DPYD: variants seen among roughly 807,000 people sequenced by gnomAD.
DPYD encodes dihydropyrimidine dehydrogenase [NADP(+)].
A neutral mutation model predicts 116.2 loss-of-function variants in DPYD; 109 were observed. The ratio of observed to expected loss-of-function variants is 0.94; its 90% CI spans 0.80 to 1.10. The LOEUF (loss-of-function observed/expected upper bound fraction) is 1.10. Ranked by LOEUF, DPYD falls within the 50% of genes least tolerant of loss-of-function variation. DPYD has a pLI of 0.00. For missense variants in DPYD, 1,302 were observed against 1,254.5 expected, an observed-to-expected ratio of 1.04 and a Z score of -0.57; for synonymous variants, 440 against 432.0, an observed-to-expected ratio of 1.02 and a Z score of -0.23.
chr1:97,193,375 G>C, intron 19 of DPYD, 127 bp from the exon 20 acceptor site: 1 of 958,354 alleles, frequency 1.0e-6, no homozygotes, highest in South Asian at 1.4e-5. Flanking sequence ...TGATGGATCA[G>C]TAGCCGTCTG....
At chr1:97,157,743 A>G (rs1655578339) in intron 20 of DPYD, among the ~76,000 whole-genome samples, 2 of 152,098 alleles carry the variant, frequency 1.3e-5, no homozygotes, top group African/African-American at 4.8e-5. Context: ...ACAACTCTTG[A>G]TGGATATATT....
At chr1:97,236,706 C>T (rs1289458277) in intron 18 of DPYD, among the ~76,000 whole-genome samples, 1 of 152,116 alleles carries the variant, frequency 6.6e-6, no homozygotes, top group Non-Finnish European at 1.5e-5. Flanking sequence ...TCATAGAATG[C>T]CCAACACCAA....
At chr1:97,395,235 G>T (rs1463996096) in intron 14 of DPYD, among the ~76,000 whole-genome samples, 1 of 151,004 alleles carries the variant, frequency 6.6e-6, no homozygotes, top group Non-Finnish European at 1.5e-5. Flanking sequence ...GACAGAATAA[G>T]GACACATAGA....
In DPYD at chr1:97,646,426, T is replaced by G. The variant is rs1042343349; in HGVS notation, c.850+32669A>C. Among the ~76,000 whole-genome samples the G allele has an allele frequency of 5.9e-5, 9 of 152,190 alleles. No homozygotes were observed. The South Asian group carries it at 1.9e-3, about 32-fold the overall frequency. ...CATTGTGTCTTTATTTTAGTGATTA[T>G]GTTGTTTGAACGCACATCTTCTTTT... On this transcript the variant is annotated intron_variant, in intron 8 of 22. Coordinates refer to ENST00000370192, the MANE Select transcript of DPYD (RefSeq NM_000110.4).
intron 2 of DPYD, among the ~76,000 whole-genome samples, chr1:97,882,745 C>T (rs1392881636): frequency 6.6e-6 from 1 of 151,858 alleles, no homozygotes; most frequent in African/African-American, 2.4e-5. Context: ...GCTCCTACAC[C>T]TCACCTGGAA....
intron 13 of DPYD, among the ~76,000 whole-genome samples, chr1:97,497,747 T>C (rs1296719281): frequency 1.3e-5 from 2 of 151,702 alleles, no homozygotes; most frequent in African/African-American, 4.8e-5. Context: ...TAAATTGGGG[T>C]AGCTGCTTTG....
intron 2 of DPYD, among the ~76,000 whole-genome samples, chr1:97,849,823 T>C (rs1437576543): frequency 6.6e-6 from 1 of 152,222 alleles, no homozygotes; most frequent in African/African-American, 2.4e-5. Context: ...GAAACAATAC[T>C]GGCCAATATT....
intron 19 of DPYD, among the ~76,000 whole-genome samples, chr1:97,226,479 C>T (rs964201049): frequency 6.6e-6 from 1 of 152,146 alleles, no homozygotes; most frequent in East Asian, 1.9e-4. Context: ...GTAGGAAACT[C>T]GGAAGCCTCC....
At chr1:97,270,480 C>G (rs1293413096) in intron 18 of DPYD, among the ~76,000 whole-genome samples, 2 of 152,174 alleles carry the variant, frequency 1.3e-5, no homozygotes, top group African/African-American at 4.8e-5. Flanking sequence ...ACAACATTTA[C>G]ACCATTCCCC....
intron 12 of DPYD, among the ~76,000 whole-genome samples, chr1:97,517,941 G>T (rs1003627432): frequency 1.3e-5 from 2 of 151,968 alleles, no homozygotes; most frequent in African/African-American, 4.8e-5. Context: ...ATGAATTTTG[G>T]TTTGTTCATA....
At chr1:97,308,832 A>T (rs577222187) in intron 16 of DPYD, among the ~76,000 whole-genome samples, 3 of 151,966 alleles carry the variant, frequency 2.0e-5, no homozygotes, top group Admixed American at 1.3e-4. Flanking sequence ...AATCTTCAGG[A>T]TCTGAAATAT....
intron 12 of DPYD, among the ~76,000 whole-genome samples, chr1:97,531,374 C>T (rs1393247457): frequency 1.3e-5 from 2 of 152,114 alleles, no homozygotes; most frequent in Non-Finnish European, 2.9e-5. Flanking sequence ...ATTGAAGAGA[C>T]AATCCTTTCC....
chr1:97,702,740 T>C (rs887543014), intron 5 of DPYD, among the ~76,000 whole-genome samples: 6 of 151,924 alleles, frequency 3.9e-5, no homozygotes. Flanking sequence ...TTCTAGCTAA[T>C]GGCATGCAAA....
At chr1:97,585,412 ACTAAGATATTAAGTACACCT>A (rs1211877240) in intron 10 of DPYD, among the ~76,000 whole-genome samples, 5 of 152,190 alleles carry the variant, frequency 3.3e-5, no homozygotes, top group African/African-American at 1.2e-4. Context: ...CTCCCCTGGT[ACTAAGATATTAAGTACACCT>A]CTAAGACTTT....
At chr1:97,306,122 A>G in intron 17 of DPYD, 55 bp downstream of exon 17, 1 of 1,610,466 alleles carries the variant, frequency 6.2e-7, no homozygotes, top group Non-Finnish European at 8.5e-7. Context: ...GTATGGCTAC[A>G]TAATGTGGGC....
At chr1:97,770,029 T>C (rs1412563028) in intron 3 of DPYD, among the ~76,000 whole-genome samples, 1 of 152,194 alleles carries the variant, frequency 6.6e-6, no homozygotes, top group Non-Finnish European at 1.5e-5. Flanking sequence ...TGAATGATAT[T>C]AAAAAGCCAT....
At chr1:97,590,372 A>G (rs1654423628) in intron 10 of DPYD, among the ~76,000 whole-genome samples, 1 of 152,230 alleles carries the variant, frequency 6.6e-6, no homozygotes, top group African/African-American at 2.4e-5. Context: ...GTAATGCTAG[A>G]AAGCCTTCGG....
At chr1:97,527,641 C>T (rs1374844174) in intron 12 of DPYD, among the ~76,000 whole-genome samples, 2 of 151,966 alleles carry the variant, frequency 1.3e-5, no homozygotes, top group African/African-American at 4.8e-5. Flanking sequence ...CTCTTTACCA[C>T]TGGTTTCCTC....
intron 18 of DPYD, among the ~76,000 whole-genome samples, chr1:97,286,821 C>G (rs769331826): frequency 1.8e-4 from 27 of 152,218 alleles, no homozygotes; most frequent in Non-Finnish European, 3.2e-4. Flanking sequence ...ATACATTCGT[C>G]TAAATTATTT....
Sources: gnomAD v4.1 joint callset for allele counts (sites outside exome capture counted in the v4.1 genomes callset) on GRCh38, gnomAD v4.1.1 for gene constraint, MANE v1.5 for transcripts, NCBI Gene and HGNC (gene_info 2026-07-23, HGNC 2026-07-21) for gene names.